The following CLEC2A variants were observed in gnomAD, a reference collection of about 807,000 sequenced individuals.
CLEC2A encodes keratinocyte-associated C-type lectin.
A neutral mutation model predicts 18.6 loss-of-function variants in CLEC2A; 19 were observed. That is an observed-to-expected ratio of 1.02 (90% CI 0.71 to 1.50). CLEC2A has a LOEUF of 1.50. CLEC2A is among the 40% of genes most tolerant of loss of function. The pLI is 0.00. For missense variants in CLEC2A, 190 were observed against 207.9 expected (o/e 0.91, Z 0.53); for synonymous variants, 74 against 64.0 (o/e 1.16, Z -0.75).
At chr12:9,893,487 C>A in the CLEC2A span, 1 of 1,524,990 alleles carries the variant, frequency 6.6e-7, no homozygotes, top group Non-Finnish European at 8.8e-7. Context: ...CTATATGTTA[C>A]ATTCCAAGGG....
downstream of CLEC2A, among the ~76,000 whole-genome samples, chr12:9,911,959 G>T (rs1376301916): frequency 6.6e-6 from 1 of 152,122 alleles, no homozygotes; most frequent in East Asian, 1.9e-4. Flanking sequence ...ATACAGACAT[G>T]CAAAGCACAC....
the CLEC2A span, among the ~76,000 whole-genome samples, chr12:9,886,716 T>C: frequency 6.9e-6 from 1 of 145,826 alleles, no homozygotes. Flanking sequence ...TGGTGTCTTG[T>C]CAATCTGTCG....
At chr12:9,907,015 A>G (rs1430810300) in intron 4 of CLEC2A, among the ~76,000 whole-genome samples, 1 of 152,206 alleles carries the variant, frequency 6.6e-6, no homozygotes, top group African/African-American at 2.4e-5. Context: ...TTCTAACTTG[A>G]TGGGGTAAGC....
chr12:9,931,684 T>C (rs1377545176), intron 1 of CLEC2A, among the ~76,000 whole-genome samples: 1 of 152,234 alleles, frequency 6.6e-6, no homozygotes, highest in Non-Finnish European at 1.5e-5. Flanking sequence ...ACTTTTTATC[T>C]CTTCACTGTC....
intron 1 of CLEC2A, among the ~76,000 whole-genome samples, chr12:9,927,483 G>T (rs1863295072): frequency 6.6e-6 from 1 of 152,018 alleles, no homozygotes. Context: ...ATGTATGCAT[G>T]CCTATATGCA....
At chr12:9,891,094 G>C in the CLEC2A span, among the ~76,000 whole-genome samples, 1 of 146,444 alleles carries the variant, frequency 6.8e-6, no homozygotes, top group African/African-American at 2.5e-5. Flanking sequence ...GGTCATGGTT[G>C]GGCACAATTT....
intron 4 of CLEC2A, among the ~76,000 whole-genome samples, chr12:9,903,689 A>T (rs181108598): frequency 1.3e-5 from 2 of 152,314 alleles, no homozygotes; most frequent in East Asian, 1.9e-4. Flanking sequence ...ATTTAATAGC[A>T]TCTTTAGTAT....
At chr12:9,898,801 A>G in exon 5 of CLEC2A, 4 of 600,676 alleles carry the variant, frequency 6.7e-6, no homozygotes, top group South Asian at 5.9e-5. Context: ...AAGTACATCT[A>G]ACTGCCGTTA....
At chr12:9,884,985 T>C in the CLEC2A span, 1 of 1,346,994 alleles carries the variant, frequency 7.4e-7, no homozygotes, top group Non-Finnish European at 9.6e-7. Context: ...TTTGGATGCA[T>C]TGTGATCCTT....
chr12:9,885,230 C>G, the CLEC2A span, among the ~76,000 whole-genome samples: 4 of 151,350 alleles, frequency 2.6e-5, no homozygotes, highest in Admixed American at 6.6e-5. Context: ...TATAAAGAAC[C>G]CCCAATAGAG....
intron 4 of CLEC2A, among the ~76,000 whole-genome samples, chr12:9,899,826 A>G (rs1283849375): frequency 1.3e-5 from 2 of 151,982 alleles, no homozygotes. Context: ...AACCAGCCAC[A>G]CTCACCTGCA....
chr12:9,931,086 G>A lies in CLEC2A; in HGVS notation c.55+1189C>T, dbSNP rs568306911. On this transcript the variant is annotated intron_variant, in intron 1 of 4. Transcript: ENST00000455827. Reference sequence around the variant, plus strand: ...GATGTTCTAATGATTCCTGCAGCCCGGCTTTCTCATAATCTTCCAGTACAT... The same window carrying A: ...GATGTTCTAATGATTCCTGCAGCCCAGCTTTCTCATAATCTTCCAGTACAT... Among the ~76,000 whole-genome samples the A allele has an allele frequency of 7.2e-5, 11 of 151,906 alleles. No homozygotes were observed. In the South Asian group the frequency reaches 2.1e-3, roughly 29 times the overall value.
At chr12:9,909,787 T>G (rs909930434), downstream of CLEC2A, among the ~76,000 whole-genome samples, 10 of 151,888 alleles carry the variant, frequency 6.6e-5, no homozygotes, top group African/African-American at 2.4e-4. Flanking sequence ...TTCCCAAGAA[T>G]TGGGGTTGTA....
At chr12:9,930,460 C>G (rs899932488) in intron 1 of CLEC2A, among the ~76,000 whole-genome samples, 2 of 152,100 alleles carry the variant, frequency 1.3e-5, no homozygotes, top group Middle Eastern at 3.4e-3. Flanking sequence ...ATTGTATCGT[C>G]TTCTGCAAAC....
intron 3 of CLEC2A, among the ~76,000 whole-genome samples, chr12:9,920,960 G>A (rs1281585920): frequency 1.3e-5 from 2 of 152,068 alleles, no homozygotes; most frequent in African/African-American, 4.8e-5. Flanking sequence ...AACATTTAAC[G>A]AAGACATTTA....
At chr12:9,893,350 G>A in the CLEC2A span, 25 of 810,902 alleles carry the variant, frequency 3.1e-5, no homozygotes, top group African/African-American at 8.6e-5. Flanking sequence ...TATTAATGCC[G>A]GCACAGAGAC....
downstream of CLEC2A, among the ~76,000 whole-genome samples, chr12:9,909,749 G>A (rs951188069): frequency 6.6e-6 from 1 of 152,180 alleles, no homozygotes; most frequent in Non-Finnish European, 1.5e-5. Context: ...TATTTAGGCT[G>A]GTAAGGAGCT....
chr12:9,880,913 G>T, the CLEC2A span, among the ~76,000 whole-genome samples: 2 of 152,118 alleles, frequency 1.3e-5, no homozygotes, highest in African/African-American at 4.8e-5. Flanking sequence ...CAACTATCTG[G>T]ACTCTCTGTG....
intron 1 of CLEC2A, among the ~76,000 whole-genome samples, chr12:9,928,427 T>C (rs1213967828): frequency 2.6e-5 from 4 of 151,938 alleles, no homozygotes; most frequent in African/African-American, 7.3e-5. Context: ...ATTATGCCAC[T>C]GCACTCCAGC....
Sources: gnomAD v4.1 joint callset for allele counts (sites outside exome capture counted in the v4.1 genomes callset) on GRCh38, gnomAD v4.1.1 for gene constraint, MANE v1.5 for transcripts, NCBI Gene and HGNC (gene_info 2026-07-23, HGNC 2026-07-21) for gene names.